TCF23: variants seen among roughly 807,000 people sequenced by gnomAD.
TCF23 encodes the protein transcription factor 23.
A neutral mutation model predicts 13.0 loss-of-function variants in TCF23; 7 were observed. The observed-to-expected ratio is 0.54, with a 90% CI of 0.31 to 1.01. The LOEUF (loss-of-function observed/expected upper bound fraction) is 1.01, where lower values mean the gene tolerates loss of function less well. Ranked by LOEUF, TCF23 falls within the 50% of genes least tolerant of loss-of-function variation. TCF23 has a pLI of 0.06. For missense variants in TCF23, 257 were observed against 289.8 expected, an observed-to-expected ratio of 0.89 and a Z score of 0.82; for synonymous variants, 122 against 119.5, an observed-to-expected ratio of 1.02 and a Z score of -0.14.
intron 1 of TCF23, chr2:27,149,765 G>A: frequency 1.6e-6 from 1 of 614,380 alleles, no homozygotes; most frequent in Non-Finnish European, 3.1e-6. Context: ...CAAACAGGGT[G>A]TAGCTCTGAA....
Position 27,156,325 on chromosome 2 carries a change from T to TAAAAAAAAAAGAAA in TCF23, c.*3468_*3469insGAAAAAAAAAAAAA, listed in dbSNP as rs1672834929. On this transcript the variant is annotated 3_prime_UTR_variant, in exon 3 of 3. Transcript: ENST00000296096. ...TGGGCAACAAGAGTAAAACTCCGTC[T>TAAAAAAAAAAGAAA]AAAAAAAAAAAAAAAATGCGGCTGT... 7.6e-6 allele frequency: 1 copy of TAAAAAAAAAAGAAA among 131,396 alleles called. No individual in the cohort carries two copies. The highest frequency in any genetic ancestry group is 1.6e-5 in the Non-Finnish European group (1 of 60,868). The allele number at this position is 131,396 out of a possible 1,614,324, so 8.1% of individuals were successfully genotyped here.
In TCF23 at chr2:27,150,006, G is replaced by A; in HGVS notation, c.223-117G>A. 1 of 1,486,128 alleles carries A rather than the reference G, an allele frequency of 6.7e-7. No homozygotes were observed. The highest frequency in any genetic ancestry group is 1.3e-5 in the South Asian group (1 of 76,834). The allele number at this position is 1,486,128 out of a possible 1,614,324, so 92.1% of individuals were successfully genotyped here. ...TGACGTAGGTGGGCAGAGGCCCTCT[G>A]GTGCCTACTGCTAGACACCCTTCTA... On this transcript the variant is annotated intron_variant, in intron 1 of 2. Transcript: ENST00000296096. This position sits in a 1 kb window ranked among gnomAD's most constrained non-coding sequence, Gnocchi z 4.1.
In TCF23 at chr2:27,155,828, T is replaced by A. The variant is rs1473369797; in HGVS notation, c.*2961T>A. ...TTTGAGCATGGATGACAAATGACAC[T>A]AGGGTGGCCTGGCTCAGGAGTTGGA... On this transcript the variant is annotated 3_prime_UTR_variant, in exon 3 of 3. Transcript: ENST00000296096. The A allele has an allele frequency of 6.6e-6, 1 of 152,200 alleles. No homozygotes were observed. Among genetic ancestry groups the A allele is most frequent in the African/African-American group, 2.4e-5 (1 of 41,440 alleles). 9.4% of individuals were successfully genotyped at this position (152,200 alleles called of 1,614,324 possible).
chr2:27,149,492 C>T (rs528460716), intron 1 of TCF23, 137 bp downstream of exon 1: 1 of 833,694 alleles, frequency 1.2e-6, no homozygotes, highest in Admixed American at 2.5e-5. Flanking sequence ...CCCTTAGACT[C>T]CAAGGCATCA....
Position 27,150,726 on chromosome 2 carries a change from C to T in TCF23, c.465+361C>T, listed in dbSNP as rs149764553. 7.2e-5 allele frequency among the ~76,000 whole-genome samples: 11 copies of T among 152,296 alleles called. No homozygotes were observed. Among genetic ancestry groups the T allele is most frequent in the African/African-American group, 2.6e-4 (11 of 41,566 alleles). Reference sequence around the variant, plus strand: ...AGAGTCCTAGATCCCCATGCAGCTTCAGCCCATTGTGCCTGCCTTGGTGCT... The same window carrying T: ...AGAGTCCTAGATCCCCATGCAGCTTTAGCCCATTGTGCCTGCCTTGGTGCT... On this transcript the variant is annotated intron_variant, in intron 2 of 2. Coordinates refer to ENST00000296096, the MANE Select transcript of TCF23 (RefSeq NM_175769.3). This position sits in a 1 kb window ranked among gnomAD's most constrained non-coding sequence, Gnocchi z 4.1.
At position 27,150,464 on chromosome 2, in the gene TCF23, G is replaced by C; in HGVS notation, c.465+99G>C. ...GGGGGACATTGGACTTGGGCCCCCTGCCCTGTGCAGAACTGACGTCGGAGC... is the reference window on the plus strand; with the variant it reads ...GGGGGACATTGGACTTGGGCCCCCTCCCCTGTGCAGAACTGACGTCGGAGC... On this transcript the variant is annotated intron_variant, in intron 2 of 2. Coordinates refer to ENST00000296096, the MANE Select transcript of TCF23 (RefSeq NM_175769.3). The surrounding 1 kb of genome is among the most constrained non-coding windows in gnomAD (Gnocchi z 4.1). The C allele has an allele frequency of 6.5e-7, 1 of 1,546,048 alleles. No homozygotes were observed. Among genetic ancestry groups the C allele is most frequent in the Non-Finnish European group, 8.8e-7 (1 of 1,139,446 alleles).
At position 27,155,751 on chromosome 2, in the gene TCF23, GAAAGAAAAAA is replaced by G. The variant is rs990008956; in HGVS notation, c.*2893_*2902del. The G allele has an allele frequency of 1.4e-4, 21 of 150,996 alleles. No homozygotes were observed. Among genetic ancestry groups the G allele is most frequent in the African/African-American group, 3.9e-4 (16 of 41,032 alleles). The allele number at this position is 150,996 out of a possible 1,614,324, so 9.4% of individuals were successfully genotyped here. On this transcript the variant is annotated 3_prime_UTR_variant, in exon 3 of 3. Coordinates refer to ENST00000296096, the MANE Select transcript of TCF23 (RefSeq NM_175769.3). ...AGACCCCATCTCGGGAAAAAAAAAT[GAAAGAAAAAA>G]AAAGAAAAGAAAAGAAATAAAAGAA...
At position 27,149,012 on chromosome 2, in the gene TCF23, G is replaced by T; in HGVS notation, c.-122G>T. On this transcript the variant is annotated 5_prime_UTR_variant, in exon 1 of 3. Transcript: ENST00000296096. The stretch of plus-strand genomic sequence containing the variant: ...AGGGAGCAAACAGGACTGAGTTGGC[G>T]CCAGCTTCCTCGGATGTAGATATTG... 1 of 994,232 alleles carries T rather than the reference G, an allele frequency of 1.0e-6. No homozygotes were observed. The highest frequency in any genetic ancestry group is 1.5e-6 in the Non-Finnish European group (1 of 680,002). The allele number at this position is 994,232 out of a possible 1,614,324, so 61.6% of individuals were successfully genotyped here. A position where few individuals can be genotyped will look rare whatever the true frequency, so the allele number is the denominator to read the frequency against.
intron 2 of TCF23, among the ~76,000 whole-genome samples, chr2:27,151,289 A>G (rs959690648): frequency 1.3e-5 from 2 of 152,164 alleles, no homozygotes. Flanking sequence ...CTCTGAGGAT[A>G]ACATTGCAGT....
chr2:27,151,489 A>G (rs1341259113), intron 2 of TCF23, among the ~76,000 whole-genome samples: 1 of 151,752 alleles, frequency 6.6e-6, no homozygotes, highest in Non-Finnish European at 1.5e-5. Flanking sequence ...GTGCACCACC[A>G]TGCCCGGCTA....
chr2:27,151,055 G>A (rs1434221289), intron 2 of TCF23, among the ~76,000 whole-genome samples: 2 of 152,188 alleles, frequency 1.3e-5, no homozygotes, highest in Non-Finnish European at 2.9e-5. Context: ...GGTTAAGTAC[G>A]TTAGTGTATT....
intron 2 of TCF23, among the ~76,000 whole-genome samples, chr2:27,152,246 T>G (rs538278685): frequency 6.6e-6 from 1 of 152,334 alleles, no homozygotes; most frequent in Admixed American, 6.5e-5. Flanking sequence ...GGAGAGGTTG[T>G]GAACAGGAGG....
chr2:27,156,863 G>A lies in TCF23; in HGVS notation c.*3996G>A, dbSNP rs1672844411. 6.6e-6 allele frequency: 1 copy of A among 152,222 alleles called. No individual in the cohort carries two copies. Among genetic ancestry groups the A allele is most frequent in the Non-Finnish European group, 1.5e-5 (1 of 68,042 alleles). The allele number at this position is 152,222 out of a possible 1,614,324, so 9.4% of individuals were successfully genotyped here. ...TTGTGGCATGAGCCCTAAACCCAGGGCCCCTAAAAGCTTATTCTATTCTAG... is the reference window on the plus strand; with the variant it reads ...TTGTGGCATGAGCCCTAAACCCAGGACCCCTAAAAGCTTATTCTATTCTAG... On this transcript the variant is annotated 3_prime_UTR_variant, in exon 3 of 3. Coordinates refer to ENST00000296096, the MANE Select transcript of TCF23 (RefSeq NM_175769.3).
chr2:27,151,367 C>T (rs1572359247), intron 2 of TCF23, among the ~76,000 whole-genome samples: 1 of 152,068 alleles, frequency 6.6e-6, no homozygotes, highest in African/African-American at 2.4e-5. Context: ...CAGAGTTTCA[C>T]TCTGTCGCCC....
chr2:27,152,639 G>A (rs373243781), intron 2 of TCF23, 49 bp from the exon 3 acceptor site: 26 of 1,585,228 alleles, frequency 1.6e-5, no homozygotes, highest in Middle Eastern at 2.0e-4. Flanking sequence ...CCTGGACCAC[G>A]AAGGGCTGCA....
chr2:27,149,221 G>T lies in TCF23; in HGVS notation c.88G>T (p.Ala30Ser). The change falls in exon 1 of 3, where the codon GCT (alanine) becomes TCT (serine). Residue 30 changes from alanine to serine, a missense_variant. Physicochemically the swap from Ala to Ser is moderately conservative, Grantham distance 99. Transcript: ENST00000296096. Reference sequence around the variant, plus strand: ...GGCCAAAGCACGGTTGCTGCCAGGCGCTGACAGGAAGAGGAGCCGCCTCAG... The same window carrying T: ...GGCCAAAGCACGGTTGCTGCCAGGCTCTGACAGGAAGAGGAGCCGCCTCAG... Reference protein sequence around the residue: ...TQAKARLLPGADRKRSRLSRT... With the variant: ...TQAKARLLPGSDRKRSRLSRT... 1 of 1,560,740 alleles carries T rather than the reference G, an allele frequency of 6.4e-7. No homozygotes were observed. Among genetic ancestry groups the T allele is most frequent in the Non-Finnish European group, 8.7e-7 (1 of 1,152,418 alleles).
In TCF23 at chr2:27,149,331, G is replaced by A; in HGVS notation, c.198G>A (p.Arg66=). The A allele has an allele frequency of 1.9e-6, 3 of 1,587,380 alleles. No homozygotes were observed. The highest frequency in any genetic ancestry group is 1.7e-4 in the Middle Eastern group (1 of 6,006). ...SRATPGPRGT[R]AGGLALGRSE... Reference sequence around the variant, plus strand: ...CTACCCCTGGCCCTCGAGGGACCAGGGCTGGGGGCCTGGCTCTTGGCAGGG... The same window carrying A: ...CTACCCCTGGCCCTCGAGGGACCAGAGCTGGGGGCCTGGCTCTTGGCAGGG... The change falls in exon 1 of 3, where the codon AGG becomes AGA. Residue 66 remains arginine (R), a synonymous_variant. Transcript: ENST00000296096.
At chr2:27,149,735 A>C in intron 1 of TCF23, 2 of 592,428 alleles carry the variant, frequency 3.4e-6, no homozygotes, top group Admixed American at 2.2e-5. Flanking sequence ...GGACCTGGCT[A>C]GGTCAAGGGT....
chr2:27,152,743 A>T lies in TCF23; in HGVS notation c.521A>T (p.Asp174Val). Residue 174 changes from aspartate (D) to valine (V), a missense_variant, in exon 3 of 3, where the codon GAC becomes GTC. Transcript: ENST00000296096. ...YAGGLGYSDL[D>V]STTASTPSQR... ...GGAGGCCTGGGGTACTCCGATCTTGACTCCACCACAGCCAGCACCCCCAGC... is the reference window on the plus strand; with the variant it reads ...GGAGGCCTGGGGTACTCCGATCTTGTCTCCACCACAGCCAGCACCCCCAGC... The T allele has an allele frequency of 6.2e-7, 1 of 1,613,632 alleles. No homozygotes were observed. The highest frequency in any genetic ancestry group is 8.5e-7 in the Non-Finnish European group (1 of 1,179,914).
Sources: allele counts gnomAD v4.1 joint callset (sites outside exome capture counted in the v4.1 genomes callset), GRCh38; gene constraint gnomAD v4.1.1; non-coding constraint Gnocchi (gnomAD v3.1); transcripts MANE v1.5; gene names NCBI Gene and HGNC (gene_info 2026-07-23, HGNC 2026-07-21).